SPATA13: variants seen among roughly 807,000 people sequenced by gnomAD.
SPATA13 encodes the protein spermatogenesis-associated protein 13.
SPATA13 carries 50 observed loss-of-function variants against 104.0 expected under a neutral mutation model. The observed-to-expected ratio is 0.48, with a 90% confidence interval of 0.38 to 0.61. The LOEUF (loss-of-function observed/expected upper bound fraction) is 0.61, where lower values mean the gene tolerates loss of function less well. Ranked by LOEUF, SPATA13 falls within the 20% of genes least tolerant of loss-of-function variation. The pLI, the probability that SPATA13 is intolerant of heterozygous loss-of-function variation, is 0.00. For synonymous variants in SPATA13, 606 were observed against 667.5 expected (o/e 0.91, Z 1.42); for missense variants, 1,524 against 1,690.6 (o/e 0.90, Z 1.73).
At chr13:24,292,869 A>C (rs1876488069) in intron 9 of SPATA13, among the ~76,000 whole-genome samples, 1 of 151,748 alleles carries the variant, frequency 6.6e-6, no homozygotes, top group South Asian at 2.1e-4. Context: ...GGTGGCGGGC[A>C]CCTGTAATCC....
chr13:23,980,681 TC>T (rs1310340457), intron 1 of SPATA13, among the ~76,000 whole-genome samples: 5 of 152,120 alleles, frequency 3.3e-5, no homozygotes, highest in Non-Finnish European at 7.4e-5. Context: ...AACCTCTGCC[TC>T]CCGGGTTCAA....
rs188335916 is a variant in SPATA13, at chr13:24,046,132, C to T, written c.-112+28431C>T. Among the ~76,000 whole-genome samples the T allele has an allele frequency of 1.4e-3, 208 of 152,140 alleles. 1 individual carries two copies. Among genetic ancestry groups the T allele is most frequent in the African/African-American group, 4.9e-3 (203 of 41,466 alleles). On this transcript the variant is annotated intron_variant, in intron 3 of 14. Coordinates refer to the SPATA13 transcript ENST00000424834. ...GTGTATCACATATGCAGAAAAGCGT[C>T]TAAGTCAAGTGTGTAGCCGCCTGGA... is the stretch of plus-strand genomic sequence containing the variant.
At chr13:24,154,125 T>G (rs1882185206) in intron 3 of SPATA13, among the ~76,000 whole-genome samples, 1 of 143,542 alleles carries the variant, frequency 7.0e-6, no homozygotes, top group African/African-American at 2.5e-5. Context: ...ACAAGCATTT[T>G]GAAAAAAAAA....
chr13:24,226,882 T>G (rs1435581871), intron 2 of SPATA13, among the ~76,000 whole-genome samples: 1 of 152,228 alleles, frequency 6.6e-6, no homozygotes, highest in African/African-American at 2.4e-5. Flanking sequence ...AGATTGAGAT[T>G]AGTCTCAAGG....
At chr13:24,072,582 C>A (rs1470990602) in intron 3 of SPATA13, among the ~76,000 whole-genome samples, 1 of 152,152 alleles carries the variant, frequency 6.6e-6, no homozygotes, top group African/African-American at 2.4e-5. Context: ...TCACACACAG[C>A]TCAGTCCCCA....
chr13:24,201,073 T>C (rs1030699911), intron 1 of SPATA13, among the ~76,000 whole-genome samples: 3 of 148,490 alleles, frequency 2.0e-5, no homozygotes, highest in African/African-American at 7.4e-5. Context: ...ACACAGAGTT[T>C]GGATTTTGAT....
chr13:24,033,193 G>A (rs898956251), intron 3 of SPATA13, among the ~76,000 whole-genome samples: 1 of 152,176 alleles, frequency 6.6e-6, no homozygotes, highest in Non-Finnish European at 1.5e-5. Flanking sequence ...CTCCCACTCT[G>A]TGTGAAGCCA....
Position 24,264,421 on chromosome 13 carries a change from G to A in SPATA13, c.2164+12559G>A, listed in dbSNP as rs1412934136. Among the ~76,000 whole-genome samples, 4 of 151,016 alleles carry A rather than the reference G, an allele frequency of 2.6e-5. No individual in the cohort carries two copies. In the South Asian group the frequency reaches 8.5e-4, roughly 32 times the overall value. ...ACAAGGTCAGGCCTTAGAAATATTC[G>A]GTAACTTTTCCTAGCTTGGCTAAGC... On this transcript the variant is annotated intron_variant, in intron 4 of 12. Coordinates refer to ENST00000382108, the MANE Select transcript of SPATA13 (RefSeq NM_001166271.3).
At chr13:24,170,636 C>A (rs1439733056) in intron 1 of SPATA13, among the ~76,000 whole-genome samples, 1 of 138,152 alleles carries the variant, frequency 7.2e-6, no homozygotes, top group Non-Finnish European at 1.7e-5. Flanking sequence ...TGAATTGGAA[C>A]ACCTGTCTCC....
intron 3 of SPATA13, among the ~76,000 whole-genome samples, chr13:24,033,311 CA>C (rs1593289663): frequency 6.6e-6 from 1 of 152,206 alleles, no homozygotes; most frequent in African/African-American, 2.4e-5. Context: ...AAGAGGCAGG[CA>C]TGGAGAGGCT....
rs547918217 is a variant in SPATA13 at position 24,238,761 on chromosome 13, A to C, written c.1654-10716A>C. ...TACTCACAGTGAGAATACCTTGTAC[A>C]TTTGGCTTTGTACTTTTACTCTTTG... On this transcript the variant is annotated intron_variant, in intron 2 of 12. Coordinates refer to ENST00000382108, the MANE Select transcript of SPATA13 (RefSeq NM_001166271.3). 2.6e-5 allele frequency among the ~76,000 whole-genome samples: 4 copies of C among 152,160 alleles called. No homozygotes were observed. The South Asian group carries it at 6.2e-4, about 24-fold the overall frequency.
At chr13:24,198,264 AT>A in intron 1 of SPATA13, among the ~76,000 whole-genome samples, 1 of 152,130 alleles carries the variant, frequency 6.6e-6, no homozygotes, top group Non-Finnish European at 1.5e-5. Flanking sequence ...AAGTGCTGAG[AT>A]TACAGGCGTG....
chr13:24,122,469 C>G, intron 3 of SPATA13: 1 of 1,608,398 alleles, frequency 6.2e-7, no homozygotes. Context: ...CCTGCTTAGC[C>G]AGAATCTCCA....
intron 1 of SPATA13, among the ~76,000 whole-genome samples, chr13:24,174,698 T>C (rs1391794157): frequency 6.6e-6 from 1 of 152,182 alleles, no homozygotes; most frequent in Non-Finnish European, 1.5e-5. Context: ...TGCCTCAGTC[T>C]CCCAAGTAGC....
chr13:24,194,163 C>A (rs903794840), intron 1 of SPATA13, among the ~76,000 whole-genome samples: 1 of 152,116 alleles, frequency 6.6e-6, no homozygotes, highest in Non-Finnish European at 1.5e-5. Flanking sequence ...CCTTGTAGAA[C>A]CTAGGCAAGA....
chr13:24,233,886 AAC>A (rs10571334), intron 2 of SPATA13, among the ~76,000 whole-genome samples: 27,930 of 147,370 alleles, frequency 0.19, 2,560 homozygotes, highest in South Asian at 0.3. Flanking sequence ...TATACACTTA[AAC>A]ACACACACAC....
chr13:24,080,808 C>T (rs960964000), intron 3 of SPATA13, among the ~76,000 whole-genome samples: 3 of 152,258 alleles, frequency 2.0e-5, no homozygotes, highest in East Asian at 3.9e-4. Context: ...CTGTATGCCT[C>T]GTGGGCTGTT....
intron 3 of SPATA13, among the ~76,000 whole-genome samples, chr13:24,109,498 A>G (rs755114580): frequency 2.0e-5 from 3 of 152,160 alleles, no homozygotes; most frequent in Non-Finnish European, 4.4e-5. Context: ...TCCACACTCC[A>G]GCTCTCTTTA....
intron 3 of SPATA13, among the ~76,000 whole-genome samples, chr13:24,139,757 T>A (rs113117785): frequency 9.2e-5 from 14 of 152,334 alleles, no homozygotes; most frequent in African/African-American, 3.4e-4. Context: ...TTGATGTACC[T>A]GTTTTTGTTT....
Sources: gnomAD v4.1 joint callset for allele counts (sites outside exome capture counted in the v4.1 genomes callset) on GRCh38, gnomAD v4.1.1 for gene constraint, MANE v1.5 for transcripts, NCBI Gene and HGNC (gene_info 2026-07-23, HGNC 2026-07-21) for gene names.